Variants in FOCAD observed in about 807,000 individuals in gnomAD.
FOCAD encodes the protein focadhesin.
In FOCAD, 198 loss-of-function variants were observed where a neutral mutation model predicts 225.6. The ratio of observed to expected loss-of-function variants is 0.88; its 90% CI spans 0.78 to 0.99. FOCAD has a LOEUF of 0.99. Among genes scored for constraint, FOCAD ranks in the 50% least tolerant of loss-of-function variants. The pLI is 0.00. For synonymous variants in FOCAD, 897 were observed against 755.0 expected (o/e 1.19, Z -3.08); for missense variants, 2,713 against 2,123.6 (o/e 1.28, Z -5.46).
chr9:20,691,506 G>A (rs1417075956), intron 1 of FOCAD, among the ~76,000 whole-genome samples: 1 of 151,582 alleles, frequency 6.6e-6, no homozygotes. Flanking sequence ...TTTTGAGATG[G>A]AGTCTCGCTC....
chr9:20,946,695 T>C lies in FOCAD; in HGVS notation c.3556-6T>C, dbSNP rs1402865503. Reference sequence around the variant, plus strand: ...GACATATTTTTCTGCTGTATTTTCTTCTCAGGTCCTTGCCTACACACTTAG... The same window carrying C: ...GACATATTTTTCTGCTGTATTTTCTCCTCAGGTCCTTGCCTACACACTTAG... On this transcript the variant is annotated splice_polypyrimidine_tract_variant and splice_region_variant and intron_variant, in intron 29 of 43. Coordinates refer to ENST00000338382, the MANE Select transcript of FOCAD (RefSeq NM_001375567.1). 1 of 1,606,702 alleles carries C rather than the reference T, an allele frequency of 6.2e-7. No homozygotes were observed. The highest frequency in any genetic ancestry group is 8.5e-7 in the Non-Finnish European group (1 of 1,177,318).
chr9:20,917,513 G>C (rs573998688), intron 24 of FOCAD, among the ~76,000 whole-genome samples: 24 of 152,124 alleles, frequency 1.6e-4, no homozygotes, highest in African/African-American at 5.3e-4. Context: ...CCCGAAACTT[G>C]CTTGAACAAT....
At chr9:20,741,744 T>C (rs763609264) in intron 5 of FOCAD, among the ~76,000 whole-genome samples, 10 of 147,598 alleles carry the variant, frequency 6.8e-5, no homozygotes, top group Non-Finnish European at 1.3e-4. Flanking sequence ...TCTTTATCCA[T>C]TGCCTTGGCT....
chr9:20,795,542 T>A (rs1820969376), intron 11 of FOCAD, among the ~76,000 whole-genome samples: 1 of 152,004 alleles, frequency 6.6e-6, no homozygotes, highest in Non-Finnish European at 1.5e-5. Context: ...TCCCAGCACT[T>A]TGGGAGGCCG....
At chr9:20,905,736 C>A (rs1389680654) in intron 21 of FOCAD, among the ~76,000 whole-genome samples, 1 of 151,952 alleles carries the variant, frequency 6.6e-6, no homozygotes, top group Non-Finnish European at 1.5e-5. Context: ...GAAATAGAGC[C>A]TAGGTTGTAG....
At chr9:20,852,405 T>C (rs1464049989) in intron 15 of FOCAD, among the ~76,000 whole-genome samples, 1 of 151,464 alleles carries the variant, frequency 6.6e-6, no homozygotes, top group Non-Finnish European at 1.5e-5. Context: ...AAAAGACTGA[T>C]TTTCCCTATT....
At chr9:20,814,454 CA>C (rs748868071) in intron 11 of FOCAD, among the ~76,000 whole-genome samples, 31 of 151,858 alleles carry the variant, frequency 2.0e-4, no homozygotes, top group Non-Finnish European at 4.4e-4. Context: ...CTCCCAGGTT[CA>C]AGTGATTCTC....
At chr9:20,688,731 C>G (rs894847815) in intron 1 of FOCAD, among the ~76,000 whole-genome samples, 1 of 152,120 alleles carries the variant, frequency 6.6e-6, no homozygotes, top group African/African-American at 2.4e-5. Flanking sequence ...CAGTGGATGT[C>G]TAGAAGATAA....
At chr9:20,716,203 G>A in intron 2 of FOCAD, 1 of 427,918 alleles carries the variant, frequency 2.3e-6, no homozygotes, top group South Asian at 1.9e-5. Flanking sequence ...ATATCCTGCA[G>A]GTCCTTACCA....
intron 24 of FOCAD, among the ~76,000 whole-genome samples, chr9:20,921,900 T>G (rs1834469259): frequency 2.6e-5 from 4 of 152,196 alleles, no homozygotes; most frequent in Admixed American, 2.6e-4. Context: ...TTATGACTTT[T>G]GATACCCAGA....
chr9:20,786,361 T>C (rs1405965135), intron 10 of FOCAD, among the ~76,000 whole-genome samples: 1 of 152,184 alleles, frequency 6.6e-6, no homozygotes, highest in Non-Finnish European at 1.5e-5. Flanking sequence ...CTGAAAGACA[T>C]GGGACTGAGC....
intron 11 of FOCAD, among the ~76,000 whole-genome samples, chr9:20,797,182 G>A (rs957907337): frequency 6.6e-6 from 1 of 152,152 alleles, no homozygotes; most frequent in South Asian, 2.1e-4. Context: ...CTGTATCTCT[G>A]TTTTGGTACC....
At chr9:20,994,309 T>G (rs1024549069) in intron 43 of FOCAD, among the ~76,000 whole-genome samples, 12 of 152,264 alleles carry the variant, frequency 7.9e-5, no homozygotes, top group African/African-American at 2.9e-4. Flanking sequence ...TACTCAGATC[T>G]GAGAAGTCAT....
chr9:20,856,523 C>G (rs1445098044), intron 15 of FOCAD, among the ~76,000 whole-genome samples: 1 of 151,888 alleles, frequency 6.6e-6, no homozygotes, highest in Non-Finnish European at 1.5e-5. Context: ...CAAATATTTT[C>G]TCTTATTCTG....
chr9:20,919,325 AAATGGAAGAACATTCCATGTTCCTG>A (rs1834163434), intron 24 of FOCAD, among the ~76,000 whole-genome samples: 1 of 152,224 alleles, frequency 6.6e-6, no homozygotes, highest in Non-Finnish European at 1.5e-5. Context: ...CGATACAAAC[AAATGGAAGAACATTCCATGTTCCTG>A]GGTAGGAAGA....
intron 8 of FOCAD, among the ~76,000 whole-genome samples, chr9:20,777,304 G>GTTTTTTTTTTTTTTTTTTTTTGT (rs35710134): frequency 9.0e-6 from 1 of 110,866 alleles, no homozygotes; most frequent in Non-Finnish European, 1.8e-5. Flanking sequence ...TTTCCTGTGG[G>GTTTTTTTTTTTTTTTTTTTTTGT]TTTTTTTTTT....
intron 15 of FOCAD, among the ~76,000 whole-genome samples, chr9:20,855,378 A>G (rs1828067105): frequency 6.6e-6 from 1 of 151,598 alleles, no homozygotes; most frequent in Non-Finnish European, 1.5e-5. Flanking sequence ...AAAACCTTGA[A>G]AGCCATGTTA....
intron 4 of FOCAD, among the ~76,000 whole-genome samples, chr9:20,722,289 A>G (rs956597513): frequency 1.3e-5 from 2 of 151,924 alleles, no homozygotes. Flanking sequence ...TGTTCAAGTT[A>G]TGTTTCCCCC....
chr9:20,949,503 T>C (rs764501263), intron 32 of FOCAD, 101 bp from the exon 33 acceptor site: 2 of 856,140 alleles, frequency 2.3e-6, no homozygotes, highest in Non-Finnish European at 3.9e-6. Flanking sequence ...AATGATAAAC[T>C]GTTTTATAAC....
Sources: gnomAD v4.1 joint callset for allele counts (sites outside exome capture counted in the v4.1 genomes callset) on GRCh38, gnomAD v4.1.1 for gene constraint, MANE v1.5 for transcripts, NCBI Gene and HGNC (gene_info 2026-07-23, HGNC 2026-07-21) for gene names.